The following ITPK1 variants were observed in gnomAD, a reference collection of about 807,000 sequenced individuals.
ITPK1 encodes inositol-tetrakisphosphate 1-kinase, also known as inositol 1,3,4-trisphosphate 5/6-kinase.
Under a neutral mutation model 45.3 loss-of-function variants are expected in ITPK1, and 21 were observed. The observed-to-expected ratio is 0.46, with a 90% confidence interval of 0.33 to 0.67. The LOEUF is 0.67. Among genes scored for constraint, ITPK1 ranks in the 30% least tolerant of loss-of-function variants. ITPK1 has a pLI of 0.02. For synonymous variants in ITPK1, 258 were observed against 253.6 expected (o/e 1.02, Z -0.16); for missense variants, 474 against 573.5 (o/e 0.83, Z 1.77).
chr14:92,991,448 G>A (rs1375070541), intron 5 of ITPK1, among the ~76,000 whole-genome samples: 1 of 152,078 alleles, frequency 6.6e-6, no homozygotes, highest in Non-Finnish European at 1.5e-5. Flanking sequence ...CTAGAACCAA[G>A]CATGCGTTAG....
intron 7 of ITPK1, among the ~76,000 whole-genome samples, chr14:92,960,784 C>A (rs1249788394): frequency 2.6e-5 from 4 of 152,220 alleles, no homozygotes; most frequent in Non-Finnish European, 5.9e-5. Flanking sequence ...GGCCTGGGGA[C>A]CAACGCTGCT....
chr14:93,076,309 C>A lies in ITPK1; in HGVS notation c.120+286G>T, dbSNP rs1461674822. 1.3e-5 allele frequency among the ~76,000 whole-genome samples: 2 copies of A among 152,026 alleles called. No individual in the cohort carries two copies. The highest frequency in any genetic ancestry group is 2.9e-5 in the Non-Finnish European group (2 of 68,010). On this transcript the variant is annotated intron_variant, in intron 3 of 10. Transcript: ENST00000267615. The surrounding 1 kb of genome is among the most constrained non-coding windows in gnomAD (Gnocchi z 4.3). Reference sequence around the variant, plus strand: ...CTACTGCCCCCTCACCCTTCCCACACCCACCCTAACCTGACCACTGCCATG... The same window carrying A: ...CTACTGCCCCCTCACCCTTCCCACAACCACCCTAACCTGACCACTGCCATG...
intron 4 of ITPK1, among the ~76,000 whole-genome samples, chr14:93,015,261 C>T (rs1566735716): frequency 6.6e-6 from 1 of 152,206 alleles, no homozygotes; most frequent in Non-Finnish European, 1.5e-5. Flanking sequence ...CATGCTTCCA[C>T]GCCTCCACTT....
At chr14:93,055,609 C>A (rs1366925805) in intron 3 of ITPK1, among the ~76,000 whole-genome samples, 1 of 152,200 alleles carries the variant, frequency 6.6e-6, no homozygotes, top group African/African-American at 2.4e-5. Context: ...CAAATGCCAC[C>A]TGAACTTCTG....
At chr14:92,992,507 T>A (rs76280056) in intron 5 of ITPK1, among the ~76,000 whole-genome samples, 3,187 of 152,322 alleles carry the variant, frequency 0.021, 106 homozygotes, top group African/African-American at 0.073. Context: ...GGCACCAGCA[T>A]GACACCCCCA....
chr14:92,969,170 G>A (rs928472476), intron 5 of ITPK1, among the ~76,000 whole-genome samples: 1 of 152,116 alleles, frequency 6.6e-6, no homozygotes, highest in Non-Finnish European at 1.5e-5. Flanking sequence ...TCTACTAGAT[G>A]CCAGGAGCTA....
intron 2 of ITPK1, among the ~76,000 whole-genome samples, chr14:93,112,500 C>T (rs1236249022): frequency 6.9e-6 from 1 of 144,400 alleles, no homozygotes; most frequent in Non-Finnish European, 1.5e-5. Flanking sequence ...AGTGCAGTGG[C>T]ACCATCTCGA....
intron 3 of ITPK1, among the ~76,000 whole-genome samples, chr14:93,025,449 T>C (rs895647758): frequency 6.6e-6 from 1 of 152,242 alleles, no homozygotes; most frequent in African/African-American, 2.4e-5. Flanking sequence ...GCCCACGGTT[T>C]TCTCAACTAT....
intron 2 of ITPK1, among the ~76,000 whole-genome samples, chr14:93,091,031 T>G (rs999030735): frequency 2.0e-5 from 3 of 152,100 alleles, no homozygotes; most frequent in African/African-American, 4.8e-5. Context: ...CAAGGGCCAG[T>G]GGTCCCTCTC....
chr14:92,973,048 C>G (rs1488300208), intron 5 of ITPK1, among the ~76,000 whole-genome samples: 1 of 152,212 alleles, frequency 6.6e-6, no homozygotes, highest in Admixed American at 6.5e-5. Context: ...TTCTGCAGAG[C>G]CCCCAAGAAC....
intron 10 of ITPK1, among the ~76,000 whole-genome samples, chr14:92,944,333 C>T (rs1887578132): frequency 6.6e-6 from 1 of 152,072 alleles, no homozygotes; most frequent in Non-Finnish European, 1.5e-5. Context: ...GAGCCCTGGG[C>T]CTCTCCTCAG....
intron 4 of ITPK1, among the ~76,000 whole-genome samples, chr14:93,009,079 G>A (rs968157870): frequency 1.3e-5 from 2 of 152,128 alleles, no homozygotes; most frequent in African/African-American, 4.8e-5. Context: ...TGTCATGAGG[G>A]GCAGGGTGGG....
intron 3 of ITPK1, among the ~76,000 whole-genome samples, chr14:93,031,579 G>A (rs1207177422): frequency 1.3e-5 from 2 of 152,048 alleles, no homozygotes; most frequent in East Asian, 1.9e-4. Flanking sequence ...GTGGGACCTC[G>A]AGCCATCATT....
chr14:92,960,365 C>G (rs1885005182), intron 7 of ITPK1, among the ~76,000 whole-genome samples: 1 of 152,206 alleles, frequency 6.6e-6, no homozygotes, highest in Non-Finnish European at 1.5e-5. Flanking sequence ...CAGCAAGTAC[C>G]GGGCAAGTAC....
chr14:92,954,488 C>T (rs1888103453), intron 8 of ITPK1, among the ~76,000 whole-genome samples: 1 of 152,202 alleles, frequency 6.6e-6, no homozygotes, highest in Non-Finnish European at 1.5e-5. Flanking sequence ...ACGACAGCAC[C>T]CTGGATTTTG....
At chr14:92,967,245 T>C (rs1042380966) in intron 5 of ITPK1, among the ~76,000 whole-genome samples, 3 of 152,226 alleles carry the variant, frequency 2.0e-5, no homozygotes, top group African/African-American at 7.2e-5. Flanking sequence ...ATTAAAAAGA[T>C]ATCTCTATTT....
At chr14:92,944,669 C>T (rs1479943931) in intron 10 of ITPK1, among the ~76,000 whole-genome samples, 1 of 152,180 alleles carries the variant, frequency 6.6e-6, no homozygotes, top group Non-Finnish European at 1.5e-5. Flanking sequence ...CATTCTGCCA[C>T]TCAAAACATG....
intron 2 of ITPK1, among the ~76,000 whole-genome samples, chr14:93,093,355 C>T (rs1415940277): frequency 6.6e-6 from 1 of 152,210 alleles, no homozygotes; most frequent in Non-Finnish European, 1.5e-5. Flanking sequence ...TGTGTTATAA[C>T]TGCACTAGTC....
At chr14:92,962,711 T>C in intron 6 of ITPK1, 40 bp downstream of exon 6, 1 of 1,473,664 alleles carries the variant, frequency 6.8e-7, no homozygotes, top group Non-Finnish European at 9.5e-7. Context: ...GCCTGCGGTC[T>C]ACAGCGCCTG....
Sources: allele counts gnomAD v4.1 joint callset (sites outside exome capture counted in the v4.1 genomes callset), GRCh38; gene constraint gnomAD v4.1.1; non-coding constraint Gnocchi (gnomAD v3.1); transcripts MANE v1.5; gene names NCBI Gene and HGNC (gene_info 2026-07-23, HGNC 2026-07-21).